NAALADL2: variants seen among roughly 807,000 people sequenced by gnomAD.
NAALADL2 encodes inactive N-acetylated-alpha-linked acidic dipeptidase-like protein 2.
A neutral mutation model predicts 87.2 loss-of-function variants in NAALADL2; 76 were observed. The ratio of observed to expected loss-of-function variants is 0.87; its 90% CI spans 0.72 to 1.05. The LOEUF (loss-of-function observed/expected upper bound fraction) is 1.05. Among genes scored for constraint, NAALADL2 ranks in the 50% least tolerant of loss-of-function variants. The pLI, the probability that NAALADL2 is intolerant of heterozygous loss-of-function variation, is 0.00. For missense variants in NAALADL2, 1,089 were observed against 945.8 expected, an observed-to-expected ratio of 1.15 and a Z score of -1.99; for synonymous variants, 354 against 331.0, an observed-to-expected ratio of 1.07 and a Z score of -0.75.
At chr3:174,901,281 A>G (rs938899824) in intron 1 of NAALADL2, among the ~76,000 whole-genome samples, 5 of 152,196 alleles carry the variant, frequency 3.3e-5, no homozygotes, top group African/African-American at 7.2e-5. Context: ...GAATTTATCA[A>G]CCATTTCCAA....
intron 9 of NAALADL2, among the ~76,000 whole-genome samples, chr3:175,514,911 T>C (rs558535974): frequency 3.3e-5 from 5 of 152,230 alleles, no homozygotes; most frequent in Non-Finnish European, 7.3e-5. Context: ...CTAGTCTCTA[T>C]AGCACAGTGT....
intron 2 of NAALADL2, among the ~76,000 whole-genome samples, chr3:175,153,295 T>C (rs1677383464): frequency 6.6e-6 from 1 of 152,130 alleles, no homozygotes; most frequent in African/African-American, 2.4e-5. Flanking sequence ...TTCTGTACTA[T>C]GTCATGTCAG....
At chr3:174,980,861 C>T (rs911199373) in intron 1 of NAALADL2, among the ~76,000 whole-genome samples, 2 of 151,984 alleles carry the variant, frequency 1.3e-5, no homozygotes, top group Non-Finnish European at 2.9e-5. Flanking sequence ...TTTATTTGAA[C>T]AGTTCTAATT....
intron 2 of NAALADL2, among the ~76,000 whole-genome samples, chr3:175,113,760 T>C (rs1284840597): frequency 1.3e-5 from 2 of 151,580 alleles, no homozygotes; most frequent in Admixed American, 1.3e-4. Flanking sequence ...TCCCCAATTT[T>C]TTTTATGCTG....
intron 1 of NAALADL2, among the ~76,000 whole-genome samples, chr3:174,889,893 G>C (rs931349622): frequency 3.9e-5 from 6 of 152,148 alleles, no homozygotes; most frequent in African/African-American, 1.4e-4. Context: ...TTTCTTTTCA[G>C]TTTATGGTAA....
At chr3:174,676,700 TA>T (rs958357790) in intron 2 of NAALADL2, among the ~76,000 whole-genome samples, 2 of 151,912 alleles carry the variant, frequency 1.3e-5, no homozygotes, top group Non-Finnish European at 2.9e-5. Context: ...AAATGTTCTT[TA>T]ATGATATTAG....
At chr3:174,854,835 C>CTTTTT (rs68116968), upstream of NAALADL2, among the ~76,000 whole-genome samples, 43 of 111,996 alleles carry the variant, frequency 3.8e-4, no homozygotes, top group Non-Finnish European at 6.6e-4. Flanking sequence ...GCTTTTTTTT[C>CTTTTT]TTTTTTTTTT....
At chr3:174,641,760 A>C (rs1679267914) in intron 2 of NAALADL2, among the ~76,000 whole-genome samples, 2 of 107,768 alleles carry the variant, frequency 1.9e-5, no homozygotes, top group Admixed American at 8.3e-5. Flanking sequence ...TTTTTTCAGA[A>C]ATTTTTTTTT....
rs76180493 is a variant in NAALADL2, at chr3:175,042,754, A to G, written c.44-54036A>G. Among the ~76,000 whole-genome samples the G allele has an allele frequency of 1.4e-4, 22 of 152,222 alleles. No individual in the cohort carries two copies. In the East Asian group the frequency reaches 4.3e-3, roughly 29 times the overall value. ...GTCTTCTTTTGAAAAATATCTATTCAGTTCCACTATGGTTTGGATATTTGC... is the reference window on the plus strand; with the variant it reads ...GTCTTCTTTTGAAAAATATCTATTCGGTTCCACTATGGTTTGGATATTTGC... On this transcript the variant is annotated intron_variant, in intron 1 of 13. Transcript: ENST00000454872.
chr3:175,194,883 T>G (rs983072482), intron 2 of NAALADL2, among the ~76,000 whole-genome samples: 1 of 151,818 alleles, frequency 6.6e-6, no homozygotes, highest in African/African-American at 2.4e-5. Context: ...CCAAGAAAAC[T>G]TTTAAATTTC....
chr3:174,990,337 G>C (rs1222771744), intron 1 of NAALADL2, among the ~76,000 whole-genome samples: 7 of 152,110 alleles, frequency 4.6e-5, no homozygotes, highest in Admixed American at 3.9e-4. Flanking sequence ...TATTTTATCA[G>C]TCTCTTACAC....
At chr3:175,421,225 G>A (rs1560523031) in intron 5 of NAALADL2, among the ~76,000 whole-genome samples, 1 of 151,906 alleles carries the variant, frequency 6.6e-6, no homozygotes, top group African/African-American at 2.4e-5. Flanking sequence ...TGGATAAAGT[G>A]GTTATAAATA....
rs1471202267 is a variant in NAALADL2, at chr3:175,672,627, A to G, written c.1896+45241A>G. Among the ~76,000 whole-genome samples, 10 of 152,304 alleles carry G rather than the reference A, an allele frequency of 6.6e-5. No homozygotes were observed. The East Asian group carries it at 7.7e-4, about 12-fold the overall frequency. The stretch of plus-strand genomic sequence containing the variant: ...AGAAGCAGCCAGTTAGGGGTCATAA[A>G]TCGGAAGTTTGAACTGAAACTAAAA... On this transcript the variant is annotated intron_variant, in intron 11 of 13. Coordinates refer to ENST00000454872, the MANE Select transcript of NAALADL2 (RefSeq NM_207015.3).
chr3:174,621,749 C>A (rs1560098948), intron 2 of NAALADL2, among the ~76,000 whole-genome samples: 2 of 152,010 alleles, frequency 1.3e-5, no homozygotes, highest in African/African-American at 2.4e-5. Flanking sequence ...ACAATCCAGG[C>A]AAAATACTAT....
intron 5 of NAALADL2, among the ~76,000 whole-genome samples, chr3:175,366,850 G>A (rs1465622875): frequency 6.6e-6 from 1 of 151,848 alleles, no homozygotes; most frequent in Non-Finnish European, 1.5e-5. Flanking sequence ...CTGTGCAGAA[G>A]CTCTTTAGTA....
intron 5 of NAALADL2, among the ~76,000 whole-genome samples, chr3:175,336,155 A>G (rs1761950603): frequency 3.3e-5 from 5 of 152,008 alleles, no homozygotes; most frequent in Admixed American, 2.0e-4. Flanking sequence ...CGTTCTCTTT[A>G]ATTCCTCAGG....
intron 1 of NAALADL2, among the ~76,000 whole-genome samples, chr3:175,087,280 A>G (rs1156596619): frequency 2.6e-5 from 4 of 152,050 alleles, no homozygotes; most frequent in Non-Finnish European, 5.9e-5. Flanking sequence ...CCCGGGAGGG[A>G]GGTGGGGGGC....
At chr3:174,981,449 C>T (rs9874398) in intron 1 of NAALADL2, among the ~76,000 whole-genome samples, 16,341 of 152,038 alleles carry the variant, frequency 0.11, 2,136 homozygotes, top group African/African-American at 0.31. Context: ...GATTTTGTGT[C>T]ATGTTTTCTG....
intron 9 of NAALADL2, among the ~76,000 whole-genome samples, chr3:175,531,852 C>G (rs902574416): frequency 6.6e-5 from 10 of 152,172 alleles, no homozygotes; most frequent in Admixed American, 5.2e-4. Context: ...TCTGCACAGG[C>G]CAAATGGGAG....
Sources: allele counts gnomAD v4.1 joint callset (sites outside exome capture counted in the v4.1 genomes callset), GRCh38; gene constraint gnomAD v4.1.1; transcripts MANE v1.5; gene names NCBI Gene and HGNC (gene_info 2026-07-23, HGNC 2026-07-21).